Variants in PLEKHH2 observed in about 807,000 individuals in gnomAD.
The protein encoded by PLEKHH2 is pleckstrin homology domain-containing family H member 2.
In PLEKHH2, 129 loss-of-function variants were observed where a neutral mutation model predicts 187.9. The observed-to-expected ratio is 0.69, with a 90% confidence interval of 0.59 to 0.79. The LOEUF is 0.79. Among genes scored for constraint, PLEKHH2 ranks in the 30% least tolerant of loss-of-function variants. The pLI is 0.00. For missense variants in PLEKHH2, 2,076 were observed against 1,751.2 expected, an observed-to-expected ratio of 1.19 and a Z score of -3.31; for synonymous variants, 686 against 605.6, an observed-to-expected ratio of 1.13 and a Z score of -1.95.
intron 26 of PLEKHH2, among the ~76,000 whole-genome samples, chr2:43,758,458 G>A (rs1168894627): frequency 6.6e-6 from 1 of 152,092 alleles, no homozygotes; most frequent in Non-Finnish European, 1.5e-5. Context: ...TCACCACGTT[G>A]GCCAGGCTGG....
At chr2:43,686,153 T>C (rs927332358) in intron 3 of PLEKHH2, among the ~76,000 whole-genome samples, 2 of 147,914 alleles carry the variant, frequency 1.4e-5, no homozygotes, top group African/African-American at 5.3e-5. Context: ...TTCTTCTTCC[T>C]TCTTCCTCTT....
At chr2:43,744,518 A>C (rs1360039696) in intron 23 of PLEKHH2, among the ~76,000 whole-genome samples, 4 of 152,176 alleles carry the variant, frequency 2.6e-5, no homozygotes, top group Non-Finnish European at 5.9e-5. Context: ...GAGAGAGTTT[A>C]AGTTCAGCAT....
In PLEKHH2 at chr2:43,729,745, T is replaced by G; in HGVS notation, c.2830T>G (p.Ser944Ala). The G allele has an allele frequency of 6.3e-7, 1 of 1,580,536 alleles. No individual in the cohort carries two copies. Among genetic ancestry groups the G allele is most frequent in the East Asian group, 2.3e-5 (1 of 44,368 alleles). ...ATTGCTAAATATAGACGGGGAGCCT[T>G]GTAAGTTCATAAACATATAAATAAA... ...CKLLNIDGEPSSQIWRHPTLC... is the reference protein window; with the variant it reads ...CKLLNIDGEPASQIWRHPTLC... The change falls in exon 18 of 30, where the codon TCC becomes GCC. Residue 944 changes from serine to alanine, a missense_variant and splice_region_variant. Ser to Ala is a moderately conservative substitution (Grantham distance 99). Transcript: ENST00000282406.
intron 21 of PLEKHH2, 73 bp downstream of exon 21, chr2:43,741,116 C>CGTA: frequency 7.4e-7 from 1 of 1,345,092 alleles, no homozygotes; most frequent in Non-Finnish European, 1.0e-6. Context: ...AAGTATTTAA[C>CGTA]GATCTGCCAG....
At chr2:43,708,357 G>T (rs774570221) in intron 11 of PLEKHH2, among the ~76,000 whole-genome samples, 1 of 152,112 alleles carries the variant, frequency 6.6e-6, no homozygotes, top group Non-Finnish European at 1.5e-5. Flanking sequence ...AGTCTCACTG[G>T]CCCTCTTGCT....
At chr2:43,694,274 A>T (rs1201808340) in intron 4 of PLEKHH2, among the ~76,000 whole-genome samples, 157 bp from the exon 5 acceptor site, 1 of 152,236 alleles carries the variant, frequency 6.6e-6, no homozygotes, top group East Asian at 1.9e-4. Context: ...TATCTACCGA[A>T]TAATTTTTTC....
Position 43,726,344 on chromosome 2 carries a change from G to A in PLEKHH2, c.2614G>A (p.Asp872Asn). 6.2e-7 allele frequency: 1 copy of A among 1,611,818 alleles called. No individual in the cohort carries two copies. The highest frequency in any genetic ancestry group is 8.5e-7 in the Non-Finnish European group (1 of 1,177,950). ...EVDRSCDSDE[D>N]YEASGRSLLS... ...TGACAGATCTTGTGATTCAGATGAA[G>A]ATTATGAAGCCAGTGGACGAAGTCT... Residue 872 changes from aspartate to asparagine, a missense_variant, in exon 17 of 30, where the codon GAT becomes AAT. Transcript: ENST00000282406.
At chr2:43,646,677 C>T (rs1666199003) in intron 2 of PLEKHH2, among the ~76,000 whole-genome samples, 1 of 152,134 alleles carries the variant, frequency 6.6e-6, no homozygotes, top group Admixed American at 6.5e-5. Flanking sequence ...AGTAATTTCT[C>T]TATAAGTAAA....
intron 15 of PLEKHH2, among the ~76,000 whole-genome samples, chr2:43,714,717 C>T (rs995330426): frequency 2.6e-5 from 4 of 152,194 alleles, no homozygotes; most frequent in African/African-American, 2.4e-5. Context: ...AAATGTATTA[C>T]GCAGTTACCA....
intron 6 of PLEKHH2, among the ~76,000 whole-genome samples, chr2:43,696,465 G>A (rs1157348591): frequency 7.0e-6 from 1 of 142,786 alleles, no homozygotes; most frequent in African/African-American, 2.6e-5. Context: ...TCCAGCCTGG[G>A]CAACAAAGAG....
chr2:43,749,879 T>C (rs1244219052), intron 24 of PLEKHH2, among the ~76,000 whole-genome samples: 1 of 152,244 alleles, frequency 6.6e-6, no homozygotes, highest in African/African-American at 2.4e-5. Context: ...TATCATGGAA[T>C]TTTAAATGGA....
rs769479351 is a variant in PLEKHH2 at position 43,697,223 on chromosome 2, C to G, written c.555C>G (p.Gly185=). Residue 185 remains glycine, a synonymous_variant, in exon 7 of 30, where the codon GGC becomes GGG. Transcript: ENST00000282406. ...STVSTLKLSE[G]QRLSSLTFGC... Reference sequence around the variant, plus strand: ...TCTCTACACTAAAGCTTTCGGAAGGCCAGCGCCTGAGCAGTTTGACCTTTG... The same window carrying G: ...TCTCTACACTAAAGCTTTCGGAAGGGCAGCGCCTGAGCAGTTTGACCTTTG... 6.2e-7 allele frequency: 1 copy of G among 1,613,390 alleles called. No individual in the cohort carries two copies. Among genetic ancestry groups the G allele is most frequent in the Admixed American group, 1.7e-5 (1 of 59,956 alleles).
At chr2:43,677,151 C>G (rs1283594570) in intron 2 of PLEKHH2, among the ~76,000 whole-genome samples, 3 of 151,592 alleles carry the variant, frequency 2.0e-5, no homozygotes, top group Non-Finnish European at 4.4e-5. Flanking sequence ...CTGTATTTAA[C>G]TCATCTCCAG....
At chr2:43,674,612 A>G (rs767208518) in intron 2 of PLEKHH2, among the ~76,000 whole-genome samples, 1 of 152,238 alleles carries the variant, frequency 6.6e-6, no homozygotes, top group Non-Finnish European at 1.5e-5. Flanking sequence ...CTGAGAATGT[A>G]CTTGCACAGT....
At chr2:43,675,466 A>G in intron 2 of PLEKHH2, 1 of 1,613,944 alleles carries the variant, frequency 6.2e-7, no homozygotes, top group Non-Finnish European at 8.5e-7. Context: ...GCCATACATC[A>G]TTACTTCCAT....
intron 2 of PLEKHH2, among the ~76,000 whole-genome samples, chr2:43,648,872 G>T (rs1666327312): frequency 6.6e-6 from 1 of 152,106 alleles, no homozygotes; most frequent in African/African-American, 2.4e-5. Flanking sequence ...GAGCCACCGT[G>T]CCTGGCCTTA....
At chr2:43,668,047 T>G (rs926271394) in intron 2 of PLEKHH2, among the ~76,000 whole-genome samples, 6 of 152,314 alleles carry the variant, frequency 3.9e-5, no homozygotes, top group South Asian at 2.1e-4. Context: ...TGTTGTTGTT[T>G]TTTGAGATGA....
At chr2:43,720,622 G>A (rs763192300) in intron 15 of PLEKHH2, 47 bp from the exon 16 acceptor site, 10 of 1,598,168 alleles carry the variant, frequency 6.3e-6, no homozygotes, top group South Asian at 1.1e-5. Flanking sequence ...AATTTAAGGT[G>A]TCAGAGTTCT....
At chr2:43,700,670 T>C in intron 8 of PLEKHH2, 62 bp downstream of exon 8, 1 of 1,519,482 alleles carries the variant, frequency 6.6e-7, no homozygotes. Flanking sequence ...TTTTTTTTTC[T>C]GGGAGGGAGT....
Sources: allele counts gnomAD v4.1 joint callset (sites outside exome capture counted in the v4.1 genomes callset), GRCh38; gene constraint gnomAD v4.1.1; transcripts MANE v1.5; gene names NCBI Gene and HGNC (gene_info 2026-07-23, HGNC 2026-07-21).